DNAH9: variants seen among roughly 807,000 people sequenced by gnomAD.
DNAH9 encodes the protein DNAH9 variant protein.
In DNAH9, 345 loss-of-function variants were observed where a neutral mutation model predicts 471.6. That is an observed-to-expected ratio of 0.73 (90% CI 0.67 to 0.80). The LOEUF (loss-of-function observed/expected upper bound fraction) is 0.80. Among genes scored for constraint, DNAH9 ranks in the 30% least tolerant of loss-of-function variants. DNAH9 has a pLI of 0.00. For synonymous variants in DNAH9, 2,093 were observed against 2,123.6 expected, an observed-to-expected ratio of 0.99 and a Z score of 0.40; for missense variants, 5,407 against 5,609.2, an observed-to-expected ratio of 0.96 and a Z score of 1.15.
chr17:11,803,910 C>A (rs1169973741), intron 43 of DNAH9, among the ~76,000 whole-genome samples: 1 of 152,210 alleles, frequency 6.6e-6, no homozygotes. Flanking sequence ...TATCTTAGCA[C>A]CATGGCTTCT....
At chr17:11,909,110 A>G (rs1455804606) in intron 61 of DNAH9, among the ~76,000 whole-genome samples, 8 of 152,184 alleles carry the variant, frequency 5.3e-5, no homozygotes, top group African/African-American at 1.7e-4. Flanking sequence ...TTGTGTTGGG[A>G]ACGTTCCATA....
intron 14 of DNAH9, among the ~76,000 whole-genome samples, chr17:11,664,346 C>T (rs1183038625): frequency 1.3e-5 from 2 of 152,166 alleles, no homozygotes; most frequent in Admixed American, 1.3e-4. Context: ...TTCTAAATCA[C>T]TCAGTAGGAT....
At chr17:11,870,707 G>T (rs1166297385) in intron 51 of DNAH9, among the ~76,000 whole-genome samples, 1 of 152,090 alleles carries the variant, frequency 6.6e-6, no homozygotes, top group Non-Finnish European at 1.5e-5. Context: ...CTTGGTTTCT[G>T]AACTTAGCGC....
chr17:11,715,298 A>G (rs76899516), intron 26 of DNAH9, among the ~76,000 whole-genome samples: 3,812 of 152,304 alleles, frequency 0.025, 156 homozygotes, highest in African/African-American at 0.086. Flanking sequence ...CTTGTCTCAT[A>G]GTATCCTCAT....
chr17:11,912,559 G>A (rs1038895370), intron 61 of DNAH9, among the ~76,000 whole-genome samples: 1 of 152,050 alleles, frequency 6.6e-6, no homozygotes, highest in Non-Finnish European at 1.5e-5. Context: ...TGCATATATT[G>A]TAGTAATAAG....
At chr17:11,721,366 T>C (rs2075055828) in intron 27 of DNAH9, among the ~76,000 whole-genome samples, 3 of 152,120 alleles carry the variant, frequency 2.0e-5, no homozygotes, top group African/African-American at 7.2e-5. Context: ...GGTTAGAACA[T>C]CATAAATAAG....
intron 35 of DNAH9, among the ~76,000 whole-genome samples, chr17:11,758,164 C>A (rs1321871297): frequency 6.6e-6 from 1 of 152,132 alleles, no homozygotes; most frequent in Non-Finnish European, 1.5e-5. Flanking sequence ...GTATAATGTA[C>A]CATCTGACAG....
Position 11,642,423 on chromosome 17 carries a change from G to A in DNAH9, c.1901+2039G>A, listed in dbSNP as rs545412285. On this transcript the variant is annotated intron_variant, in intron 10 of 68. Transcript: ENST00000262442. ...GTGTGGTGGGGGCAGGGGGCGGGGG[G>A]CGCCTGTAATCCCAGCTACTCAGGA... Among the ~76,000 whole-genome samples the A allele has an allele frequency of 3.9e-3, 594 of 151,772 alleles. 4 individuals carry two copies. Among genetic ancestry groups the A allele is most frequent in the South Asian group, 0.015 (71 of 4,786 alleles).
chr17:11,652,514 T>A (rs1251908282), intron 13 of DNAH9, among the ~76,000 whole-genome samples: 1 of 151,986 alleles, frequency 6.6e-6, no homozygotes, highest in Non-Finnish European at 1.5e-5. Flanking sequence ...CTCGATCTCC[T>A]GACCTCGTGA....
At chr17:11,859,672 A>G (rs1971771053) in intron 50 of DNAH9, among the ~76,000 whole-genome samples, 1 of 152,178 alleles carries the variant, frequency 6.6e-6, no homozygotes, top group African/African-American at 2.4e-5. Flanking sequence ...GGAAGCTTAC[A>G]ATCATGGCCA....
chr17:11,809,855 T>C (rs903636649), intron 44 of DNAH9, among the ~76,000 whole-genome samples: 10 of 152,142 alleles, frequency 6.6e-5, no homozygotes, highest in Non-Finnish European at 1.0e-4. Flanking sequence ...ATGAGTCTTA[T>C]ATATGTGTAA....
Position 11,744,997 on chromosome 17 carries a change from C to T in DNAH9, c.6312C>T (p.Pro2104=). 1.2e-6 allele frequency: 2 copies of T among 1,614,110 alleles called. No individual in the cohort carries two copies. The highest frequency in any genetic ancestry group is 1.7e-6 in the Non-Finnish European group (2 of 1,179,990). The change falls in exon 31 of 69, where the codon CCC becomes CCT. Residue 2104 remains proline, a synonymous_variant. Coordinates refer to ENST00000262442, the MANE Select transcript of DNAH9 (RefSeq NM_001372.4). ...ACCTCTTTCCCGCCCTGGATGTCCC[C>T]CGGAGGAGAGACCCCAACTTCGAAG... is the stretch of plus-strand genomic sequence containing the variant. ...IGDLFPALDV[P]RRRDPNFEAL... is the part of the protein sequence containing the mutation.
intron 29 of DNAH9, among the ~76,000 whole-genome samples, chr17:11,741,595 T>C (rs1259479043): frequency 6.6e-6 from 1 of 152,188 alleles, no homozygotes; most frequent in Non-Finnish European, 1.5e-5. Flanking sequence ...TTCTTGAAAG[T>C]AATGGCAAAA....
intron 5 of DNAH9, among the ~76,000 whole-genome samples, chr17:11,617,913 T>C (rs2072779136): frequency 6.6e-6 from 1 of 152,126 alleles, no homozygotes. Context: ...GAAGGACTGG[T>C]AATGAGTCAG....
At chr17:11,742,112 G>T in intron 29 of DNAH9, 63 bp from the exon 30 acceptor site, 1 of 1,483,382 alleles carries the variant, frequency 6.7e-7, no homozygotes, top group Non-Finnish European at 9.3e-7. Context: ...TTATTTTCTT[G>T]CAGTCTCCTC....
intron 68 of DNAH9, among the ~76,000 whole-genome samples, chr17:11,964,312 C>G (rs975268496): frequency 2.0e-5 from 3 of 152,058 alleles, no homozygotes; most frequent in Non-Finnish European, 2.9e-5. Flanking sequence ...TCCAAACCAC[C>G]AAAATGAGAG....
rs915194283 is a variant in DNAH9 at position 11,908,347 on chromosome 17, C to T, written c.11749+2538C>T. On this transcript the variant is annotated intron_variant, in intron 61 of 68. Transcript: ENST00000262442. ...ATAATAATTGCACATATCAATGAGA[C>T]ACATAGTGAAGTTTCCATTCACATA... Among the ~76,000 whole-genome samples, 15 of 152,274 alleles carry T rather than the reference C, an allele frequency of 9.9e-5. No homozygotes were observed. The East Asian group carries it at 1.9e-3, about 20-fold the overall frequency.
At chr17:11,810,391 G>T (rs374262909) in intron 45 of DNAH9, 22 bp downstream of exon 45, 120 of 1,604,208 alleles carry the variant, frequency 7.5e-5, no homozygotes, top group Non-Finnish European at 9.4e-5. Flanking sequence ...CTTGCACTTG[G>T]TGTCACTGAT....
chr17:11,697,810 G>A (rs868843855), intron 22 of DNAH9, among the ~76,000 whole-genome samples: 3 of 151,694 alleles, frequency 2.0e-5, no homozygotes, highest in Admixed American at 6.6e-5. Flanking sequence ...CTGCACTTTA[G>A]TGTTGCTAAT....
Sources: gnomAD v4.1 joint callset for allele counts (sites outside exome capture counted in the v4.1 genomes callset) on GRCh38, gnomAD v4.1.1 for gene constraint, MANE v1.5 for transcripts, NCBI Gene and HGNC (gene_info 2026-07-23, HGNC 2026-07-21) for gene names.